RNGTT: variants seen among roughly 807,000 people sequenced by gnomAD.
The protein encoded by RNGTT is RNA guanylyltransferase and 5'-phosphatase.
RNGTT carries 33 observed loss-of-function variants against 79.3 expected under a neutral mutation model. The observed-to-expected ratio is 0.42, with a 90% CI of 0.32 to 0.56. The LOEUF is 0.56. Ranked by LOEUF, RNGTT falls within the 20% of genes least tolerant of loss-of-function variation. The probability of loss-of-function intolerance (pLI) is 0.17; values close to 1 mark genes in which losing one functional copy is unlikely to be tolerated. For missense variants in RNGTT, 497 were observed against 739.1 expected (o/e 0.67, Z 3.80); for synonymous variants, 222 against 235.9 (o/e 0.94, Z 0.54).
chr6:88,887,293 A>G (rs62429022), intron 8 of RNGTT, among the ~76,000 whole-genome samples: 14,486 of 152,250 alleles, frequency 0.095, 880 homozygotes, highest in Middle Eastern at 0.2. Flanking sequence ...CATAGCTTTA[A>G]CGACGATGGA....
intron 12 of RNGTT, among the ~76,000 whole-genome samples, chr6:88,779,671 C>T (rs1319383377): frequency 2.6e-5 from 4 of 152,072 alleles, no homozygotes; most frequent in Non-Finnish European, 5.9e-5. Context: ...TTTCAAAGCA[C>T]CTTTATGAAA....
intron 14 of RNGTT, among the ~76,000 whole-genome samples, chr6:88,642,373 G>A (rs1773354446): frequency 1.3e-5 from 2 of 152,120 alleles, no homozygotes; most frequent in Admixed American, 1.3e-4. Flanking sequence ...CTTTAAGAAG[G>A]TAGGGATACT....
intron 13 of RNGTT, among the ~76,000 whole-genome samples, chr6:88,718,972 G>T (rs1365445911): frequency 6.6e-6 from 1 of 152,098 alleles, no homozygotes; most frequent in Non-Finnish European, 1.5e-5. Context: ...ATGGTTAAAA[G>T]CAATGATACA....
intron 12 of RNGTT, among the ~76,000 whole-genome samples, chr6:88,789,182 G>A (rs1779322719): frequency 6.6e-6 from 1 of 152,198 alleles, no homozygotes; most frequent in South Asian, 2.1e-4. Flanking sequence ...CACTTTAGGA[G>A]GCTGAGGCGG....
intron 13 of RNGTT, among the ~76,000 whole-genome samples, chr6:88,707,776 C>T (rs934708819): frequency 6.0e-5 from 9 of 149,364 alleles, no homozygotes; most frequent in African/African-American, 2.2e-4. Flanking sequence ...TCTGAGACCA[C>T]TTTTTCCTAA....
chr6:88,681,353 A>G (rs1775085813), intron 13 of RNGTT, among the ~76,000 whole-genome samples: 1 of 152,256 alleles, frequency 6.6e-6, no homozygotes. Flanking sequence ...GTTGGCACAT[A>G]TATATGTATG....
chr6:88,634,432 A>T (rs772014353), intron 14 of RNGTT, among the ~76,000 whole-genome samples: 1 of 152,156 alleles, frequency 6.6e-6, no homozygotes, highest in Non-Finnish European at 1.5e-5. Flanking sequence ...GAGAAGGATC[A>T]GCAAATTGTC....
intron 14 of RNGTT, among the ~76,000 whole-genome samples, chr6:88,626,154 T>G (rs1646889343): frequency 6.6e-6 from 1 of 152,048 alleles, no homozygotes. Flanking sequence ...AGAAGCATAT[T>G]GTATCCCTAC....
At chr6:88,624,559 C>T (rs1015541358) in intron 14 of RNGTT, among the ~76,000 whole-genome samples, 1 of 151,848 alleles carries the variant, frequency 6.6e-6, no homozygotes, top group Admixed American at 6.6e-5. Flanking sequence ...CTACATCATT[C>T]ACATTACACA....
chr6:88,891,875 G>C lies in RNGTT; in HGVS notation c.725C>G (p.Thr242Ser). 1.9e-6 allele frequency: 3 copies of C among 1,601,798 alleles called. No individual in the cohort carries two copies. Among genetic ancestry groups the C allele is most frequent in the Non-Finnish European group, 2.6e-6 (3 of 1,174,238 alleles). The change falls in exon 7 of 16, where the codon ACT becomes AGT. Residue 242 changes from threonine to serine, a missense_variant. Coordinates refer to ENST00000369485, the MANE Select transcript of RNGTT (RefSeq NM_003800.5). Reference protein sequence around the residue: ...FLEGVTVKGVTQVTTQPKLGE... With the variant: ...FLEGVTVKGVSQVTTQPKLGE... The stretch of plus-strand genomic sequence containing the variant: ...TAACTTTGGTTGTGTTGTTACTTGA[G>C]TTACACCTTTAACAGTAACACCTTC...
rs574708641 is a variant in RNGTT at position 88,890,577 on chromosome 6, G to A, written c.814C>T (p.Gln272Ter). 6.2e-7 allele frequency: 1 copy of A among 1,613,226 alleles called. No individual in the cohort carries two copies. Among genetic ancestry groups the A allele is most frequent in the African/African-American group, 1.3e-5 (1 of 74,982 alleles). Residue 272 changes from glutamine to a stop codon, truncating the protein, a stop_gained, in exon 8 of 16, where the codon CAG (glutamine) becomes TAG (stop). Coordinates refer to ENST00000369485, the MANE Select transcript of RNGTT (RefSeq NM_003800.5). LOFTEE classifies it high-confidence loss of function. ...GWEGSGFPGA[Q>*]PVSMDKQNIK... is the part of the protein sequence containing the mutation. ...TTTTGCTTGTCCATGGAAACAGGCT[G>A]TGCTCCAGGGAATCCAGACCTTAAA...
At position 88,719,678 on chromosome 6, in the gene RNGTT, T is replaced by C. The variant is rs985200364; in HGVS notation, c.1440-41259A>G. 6.5e-4 allele frequency among the ~76,000 whole-genome samples: 99 copies of C among 152,200 alleles called. 1 individual carries two copies. Among genetic ancestry groups the C allele is most frequent in the African/African-American group, 2.3e-3 (95 of 41,448 alleles). ...AACTCAATTTAAATTTTATCTATAT[T>C]AAAAAGCCTCTGAAATACAAGGACA... On this transcript the variant is annotated intron_variant, in intron 13 of 15. Transcript: ENST00000369485.
intron 4 of RNGTT, among the ~76,000 whole-genome samples, chr6:88,921,582 G>A (rs1383570039): frequency 1.3e-5 from 2 of 151,938 alleles, no homozygotes; most frequent in Non-Finnish European, 2.9e-5. Flanking sequence ...AGCTTCTCTG[G>A]GGCAGTACTC....
At chr6:88,910,726 T>TA (rs980949811) in intron 4 of RNGTT, among the ~76,000 whole-genome samples, 5 of 152,094 alleles carry the variant, frequency 3.3e-5, no homozygotes, top group Admixed American at 3.3e-4. Flanking sequence ...GAAAAAATCT[T>TA]AAAGACAACT....
At chr6:88,858,960 C>T (rs1024382031) in intron 8 of RNGTT, among the ~76,000 whole-genome samples, 5 of 151,782 alleles carry the variant, frequency 3.3e-5, no homozygotes, top group African/African-American at 1.2e-4. Flanking sequence ...TGAAATGAGA[C>T]TAAAGAAGTA....
chr6:88,684,018 AC>A (rs1279123471), intron 13 of RNGTT, among the ~76,000 whole-genome samples: 1 of 151,994 alleles, frequency 6.6e-6, no homozygotes, highest in African/African-American at 2.4e-5. Context: ...GTCTCTAAAA[AC>A]AAAAATTTAG....
At chr6:88,639,987 T>C (rs576392620) in intron 14 of RNGTT, among the ~76,000 whole-genome samples, 135 of 152,302 alleles carry the variant, frequency 8.9e-4, no homozygotes, top group African/African-American at 3.2e-3. Flanking sequence ...CTGTGACTCA[T>C]TAGACAGGGC....
At chr6:88,699,631 C>A (rs1775877184) in intron 13 of RNGTT, among the ~76,000 whole-genome samples, 1 of 152,078 alleles carries the variant, frequency 6.6e-6, no homozygotes, top group South Asian at 2.1e-4. Context: ...TGCCACTGTA[C>A]TCAGGTCTGG....
chr6:88,942,646 T>C (rs1215015171), intron 1 of RNGTT, among the ~76,000 whole-genome samples: 1 of 152,170 alleles, frequency 6.6e-6, no homozygotes, highest in Non-Finnish European at 1.5e-5. Context: ...GCTGGGATTA[T>C]AGGCATGAGC....
Sources: allele counts gnomAD v4.1 joint callset (sites outside exome capture counted in the v4.1 genomes callset), GRCh38; gene constraint gnomAD v4.1.1; transcripts MANE v1.5; gene names NCBI Gene and HGNC (gene_info 2026-07-23, HGNC 2026-07-21).